Variants in BTG4 observed in about 807,000 individuals in gnomAD.
The protein encoded by BTG4 is protein BTG4.
In BTG4, 10 loss-of-function variants were observed where a neutral mutation model predicts 19.3. That is an observed-to-expected ratio of 0.52 (90% CI 0.32 to 0.88). The LOEUF (loss-of-function observed/expected upper bound fraction) is 0.88. BTG4 is among the 40% of genes least tolerant of loss of function. BTG4 has a pLI of 0.04. For missense variants in BTG4, 238 were observed against 281.9 expected (o/e 0.84, Z 1.11); for synonymous variants, 91 against 95.7 (o/e 0.95, Z 0.29).
chr11:111,496,450 T>C (rs572571387), intron 4 of BTG4: 2 of 152,264 alleles, frequency 1.3e-5, no homozygotes, highest in African/African-American at 2.4e-5. Context: ...TTTAAAAAAA[T>C]ATTACAACCA....
chr11:111,450,428 A>G, the BTG4 span: 1 of 152,524 alleles, frequency 6.6e-6, no homozygotes, highest in African/African-American at 2.4e-5. Flanking sequence ...GTCCCCCTCT[A>G]TGTGGTCAAG....
intron 5 of BTG4, among the ~76,000 whole-genome samples, chr11:111,489,407 T>C (rs1305942043): frequency 6.6e-6 from 1 of 152,166 alleles, no homozygotes; most frequent in South Asian, 2.1e-4. Flanking sequence ...AGAACTACCA[T>C]ATGATCCAGC....
the BTG4 span, among the ~76,000 whole-genome samples, chr11:111,422,605 G>A: frequency 1.3e-5 from 2 of 152,200 alleles, no homozygotes; most frequent in African/African-American, 4.8e-5. Context: ...GGCATCAAGT[G>A]CACAGGAAGA....
chr11:111,415,567 G>A, the BTG4 span, among the ~76,000 whole-genome samples: 1 of 152,218 alleles, frequency 6.6e-6, no homozygotes, highest in Non-Finnish European at 1.5e-5. Flanking sequence ...GCAGGAGGAG[G>A]AGGCTGGTAT....
At chr11:111,405,453 A>AACCC in the BTG4 span, among the ~76,000 whole-genome samples, 4 of 146,018 alleles carry the variant, frequency 2.7e-5, no homozygotes, top group East Asian at 8.7e-4. Context: ...GGACCATGAG[A>AACCC]ACCCAGAGAG....
the BTG4 span, among the ~76,000 whole-genome samples, chr11:111,419,262 G>A: frequency 1.3e-5 from 2 of 152,244 alleles, no homozygotes; most frequent in Non-Finnish European, 2.9e-5. Context: ...TCAGAGAAGT[G>A]CCAGTGAGTC....
chr11:111,442,008 G>T, the BTG4 span, among the ~76,000 whole-genome samples: 1 of 151,002 alleles, frequency 6.6e-6, no homozygotes, highest in South Asian at 2.1e-4. Flanking sequence ...GCAGTGAGCC[G>T]AGATCGCACC....
intron 5 of BTG4, chr11:111,467,721 A>G (rs770958470): frequency 4.1e-6 from 3 of 740,008 alleles, no homozygotes; most frequent in Non-Finnish European, 7.4e-6. Context: ...AAAAGAACAA[A>G]TTTTATAATT....
At chr11:111,479,982 C>T (rs1864632650) in intron 5 of BTG4, among the ~76,000 whole-genome samples, 2 of 151,908 alleles carry the variant, frequency 1.3e-5, no homozygotes, top group African/African-American at 2.4e-5. Context: ...GTGGTAAACT[C>T]GAGGCCTAAC....
chr11:111,392,467 G>T, the BTG4 span, among the ~76,000 whole-genome samples: 1 of 152,100 alleles, frequency 6.6e-6, no homozygotes, highest in African/African-American at 2.4e-5. Flanking sequence ...ATGAGCCACC[G>T]TGGCTGGCCT....
the BTG4 span, among the ~76,000 whole-genome samples, chr11:111,444,448 G>A: frequency 6.6e-6 from 1 of 152,086 alleles, no homozygotes; most frequent in African/African-American, 2.4e-5. Context: ...ACCCGATGCT[G>A]GGAAGAGTAG....
the BTG4 span, chr11:111,453,352 G>T: frequency 2.5e-6 from 1 of 407,302 alleles, no homozygotes; most frequent in East Asian, 7.3e-5. Flanking sequence ...TCTTCAGGAA[G>T]GATGCTGCTC....
At chr11:111,411,989 G>A in the BTG4 span, among the ~76,000 whole-genome samples, 55 of 152,324 alleles carry the variant, frequency 3.6e-4, no homozygotes, top group African/African-American at 1.1e-3. Flanking sequence ...GTGGAATGGT[G>A]TCCTGAAGCA....
the BTG4 span, among the ~76,000 whole-genome samples, chr11:111,401,514 A>G: frequency 1.3e-5 from 2 of 151,572 alleles, no homozygotes; most frequent in Non-Finnish European, 2.9e-5. Flanking sequence ...GAAAGCTGGG[A>G]GCAGGGAGCA....
intron 5 of BTG4, chr11:111,469,410 A>G (rs1863922829): frequency 6.6e-6 from 1 of 152,228 alleles, no homozygotes; most frequent in Admixed American, 6.5e-5. Flanking sequence ...GTTCCCCAGG[A>G]GAATAAATGC....
intron 5 of BTG4, among the ~76,000 whole-genome samples, chr11:111,485,650 A>G (rs922682363): frequency 6.6e-6 from 1 of 152,208 alleles, no homozygotes; most frequent in African/African-American, 2.4e-5. Flanking sequence ...AAAATAAGAA[A>G]AACTTCAAAT....
At chr11:111,402,708 C>T in the BTG4 span, among the ~76,000 whole-genome samples, 2 of 152,144 alleles carry the variant, frequency 1.3e-5, no homozygotes, top group South Asian at 2.1e-4. Context: ...AAGCTTTAGC[C>T]TTCCCAGCCT....
upstream of BTG4, chr11:111,513,371 C>G: frequency 1.9e-6 from 1 of 532,520 alleles, no homozygotes; most frequent in Non-Finnish European, 3.9e-6. Context: ...AGCTCCAACT[C>G]AACCAATGAA....
chr11:111,505,867 GA>G (rs1230130197), intron 1 of BTG4, among the ~76,000 whole-genome samples: 2 of 151,944 alleles, frequency 1.3e-5, no homozygotes, highest in Non-Finnish European at 2.9e-5. Context: ...ACAAACATAT[GA>G]AAAAATGCTC....
Sources: allele counts gnomAD v4.1 joint callset (sites outside exome capture counted in the v4.1 genomes callset), GRCh38; gene constraint gnomAD v4.1.1; transcripts MANE v1.5; gene names NCBI Gene and HGNC (gene_info 2026-07-23, HGNC 2026-07-21).